Variants in RBMS3 observed in about 807,000 individuals in gnomAD.
The protein encoded by RBMS3 is RNA binding motif single stranded interacting protein 3.
In RBMS3, 27 loss-of-function variants were observed where a neutral mutation model predicts 66.8. The observed-to-expected ratio is 0.40, with a 90% CI of 0.30 to 0.56. RBMS3 has a LOEUF of 0.56. Ranked by LOEUF, RBMS3 falls within the 20% of genes least tolerant of loss-of-function variation. The pLI is 0.40. For missense variants in RBMS3, 513 were observed against 549.5 expected (o/e 0.93, Z 0.66); for synonymous variants, 188 against 183.0 (o/e 1.03, Z -0.22).
chr3:29,968,038 GT>G (rs1696963268), intron 12 of RBMS3, among the ~76,000 whole-genome samples: 1 of 152,016 alleles, frequency 6.6e-6, no homozygotes, highest in South Asian at 2.1e-4. Context: ...TGTTTCTCTA[GT>G]TCTGTAAAGT....
chr3:29,796,712 C>CTTT lies in RBMS3; in HGVS notation c.637+33738_637+33740dup, dbSNP rs71295051. Among the ~76,000 whole-genome samples the CTTT allele has an allele frequency of 4.4e-4, 51 of 115,276 alleles. 1 individual carries two copies. Among genetic ancestry groups the CTTT allele is most frequent in the Middle Eastern group, 5.2e-3 (1 of 192 alleles). 75.6% of individuals were successfully genotyped at this position (115,276 alleles called of 152,430 possible). A position where few individuals can be genotyped will look rare whatever the true frequency, so the allele number is the denominator to read the frequency against. On this transcript the variant is annotated intron_variant, in intron 6 of 14. Coordinates refer to ENST00000383767, the MANE Select transcript of RBMS3 (RefSeq NM_001003793.3). ...TGAGAAGTAATATTTTGAAAGGAAT[C>CTTT]TTTTTTTTTTTTTTTTTGGAGATGG...
chr3:29,833,752 C>A (rs903272177), intron 6 of RBMS3, among the ~76,000 whole-genome samples: 1 of 152,004 alleles, frequency 6.6e-6, no homozygotes. Context: ...AGAAAAGGAA[C>A]AGAATTCTTA....
chr3:29,436,510 G>A (rs576760782), intron 2 of RBMS3, among the ~76,000 whole-genome samples: 1 of 152,286 alleles, frequency 6.6e-6, no homozygotes, highest in African/African-American at 2.4e-5. Flanking sequence ...GAATATTGAG[G>A]TTGAGAATCA....
intron 6 of RBMS3, among the ~76,000 whole-genome samples, chr3:29,778,905 T>C (rs1031385639): frequency 7.2e-5 from 11 of 151,896 alleles, no homozygotes; most frequent in African/African-American, 2.7e-4. Flanking sequence ...GGATACACTA[T>C]AGGAGAAAAT....
At chr3:29,382,311 A>G (rs560312384) in intron 1 of RBMS3, among the ~76,000 whole-genome samples, 2 of 152,338 alleles carry the variant, frequency 1.3e-5, no homozygotes, top group African/African-American at 4.8e-5. Flanking sequence ...TGGATAGTAA[A>G]TGGAGGCAGA....
chr3:29,880,005 T>C (rs2059699603), intron 7 of RBMS3, among the ~76,000 whole-genome samples: 1 of 152,194 alleles, frequency 6.6e-6, no homozygotes. Flanking sequence ...GAATATCAAA[T>C]AACTATCTCC....
At chr3:29,485,486 C>T (rs78828864) in intron 2 of RBMS3, among the ~76,000 whole-genome samples, 8,307 of 152,132 alleles carry the variant, frequency 0.055, 571 homozygotes, top group African/African-American at 0.16. Context: ...TTGTAGAATA[C>T]ATGAGCACTC....
At chr3:29,628,369 G>A (rs1266756510) in intron 4 of RBMS3, among the ~76,000 whole-genome samples, 1 of 152,146 alleles carries the variant, frequency 6.6e-6, no homozygotes, top group African/African-American at 2.4e-5. Context: ...GGCTGTGTCA[G>A]TGATTCTCTC....
At chr3:29,293,384 A>G (rs895979572) in intron 1 of RBMS3, among the ~76,000 whole-genome samples, 4 of 151,774 alleles carry the variant, frequency 2.6e-5, no homozygotes, top group Admixed American at 2.6e-4. Flanking sequence ...TTATTAAACA[A>G]GAGTGAAGTT....
chr3:29,957,129 T>C (rs1441361568), intron 12 of RBMS3, among the ~76,000 whole-genome samples: 1 of 152,148 alleles, frequency 6.6e-6, no homozygotes, highest in Non-Finnish European at 1.5e-5. Flanking sequence ...TTTTGTCTTG[T>C]CTTAGAGTTT....
At chr3:29,939,020 G>A (rs2061332733) in intron 11 of RBMS3, among the ~76,000 whole-genome samples, 1 of 152,062 alleles carries the variant, frequency 6.6e-6, no homozygotes, top group South Asian at 2.1e-4. Flanking sequence ...TCTAACTGGT[G>A]GGAGTCTAGT....
intron 3 of RBMS3, among the ~76,000 whole-genome samples, chr3:29,523,648 CTTTAAACA>C (rs2044957064): frequency 6.6e-6 from 1 of 152,198 alleles, no homozygotes; most frequent in Non-Finnish European, 1.5e-5. Context: ...GGCAAGCAGT[CTTTAAACA>C]GCTACTTTCT....
chr3:29,828,986 CTT>C (rs1363586674), intron 6 of RBMS3, among the ~76,000 whole-genome samples: 1 of 20,452 alleles, frequency 4.9e-5, no homozygotes, highest in South Asian at 1.6e-3. Flanking sequence ...GACTTTCTTT[CTT>C]TCTTTCTTTC....
intron 1 of RBMS3, among the ~76,000 whole-genome samples, chr3:29,349,382 C>T (rs983529083): frequency 1.3e-5 from 2 of 152,188 alleles, no homozygotes; most frequent in Non-Finnish European, 2.9e-5. Flanking sequence ...AATACAGCTG[C>T]ACCTTTCTAC....
chr3:29,493,733 A>G (rs916914150), intron 3 of RBMS3, among the ~76,000 whole-genome samples: 1 of 152,158 alleles, frequency 6.6e-6, no homozygotes, highest in South Asian at 2.1e-4. Context: ...TCATGACTGT[A>G]TGGTTCTTCG....
At chr3:29,871,652 T>C (rs1027836946) in intron 7 of RBMS3, among the ~76,000 whole-genome samples, 1 of 152,106 alleles carries the variant, frequency 6.6e-6, no homozygotes, top group Non-Finnish European at 1.5e-5. Flanking sequence ...GCTGTGGAAT[T>C]GAAGATAATA....
At chr3:29,476,395 G>T (rs772342575) in intron 2 of RBMS3, among the ~76,000 whole-genome samples, 1 of 152,128 alleles carries the variant, frequency 6.6e-6, no homozygotes, top group Non-Finnish European at 1.5e-5. Context: ...ATTTTACATA[G>T]AATTTTTAAA....
chr3:29,540,206 G>C (rs6763161), intron 3 of RBMS3, among the ~76,000 whole-genome samples: 2 of 151,978 alleles, frequency 1.3e-5, no homozygotes, highest in African/African-American at 4.8e-5. Flanking sequence ...TATCTCATCT[G>C]TTCTTCAAAT....
chr3:29,663,714 C>T (rs576302232), intron 4 of RBMS3, among the ~76,000 whole-genome samples: 2 of 152,200 alleles, frequency 1.3e-5, no homozygotes, highest in South Asian at 2.1e-4. Context: ...GGAGGCTCCT[C>T]GCAATCTACT....
Sources: gnomAD v4.1 joint callset for allele counts (sites outside exome capture counted in the v4.1 genomes callset) on GRCh38, gnomAD v4.1.1 for gene constraint, MANE v1.5 for transcripts, NCBI Gene and HGNC (gene_info 2026-07-23, HGNC 2026-07-21) for gene names.